The following ASB13 variants were observed in gnomAD, a reference collection of about 807,000 sequenced individuals.
The protein encoded by ASB13 is ankyrin repeat and SOCS box containing 13, also known as ankyrin repeat and SOCS box protein 13.
A neutral mutation model predicts 28.8 loss-of-function variants in ASB13; 33 were observed. That is an observed-to-expected ratio of 1.15 (90% CI 0.87 to 1.53). The LOEUF (loss-of-function observed/expected upper bound fraction) is 1.53. ASB13 is among the 40% of genes most tolerant of loss of function. The probability of loss-of-function intolerance (pLI) is 0.00; values close to 1 mark genes in which losing one functional copy is unlikely to be tolerated. For missense variants in ASB13, 414 were observed against 390.1 expected (o/e 1.06, Z -0.52); for synonymous variants, 182 against 172.9 (o/e 1.05, Z -0.41).
rs933294316 is a variant in ASB13, at chr10:5,658,222, A to G, written c.44-5172T>C. On this transcript the variant is annotated intron_variant, in intron 1 of 5. Transcript: ENST00000357700. The surrounding 1 kb of genome is among the most constrained non-coding windows in gnomAD (Gnocchi z 4.2). ...AGTGGCTCAAAACTCTAATCCCAGC[A>G]CTTTGGGAGGCCGAGGCAGGCAATA... Among the ~76,000 whole-genome samples, 2 of 152,070 alleles carry G rather than the reference A, an allele frequency of 1.3e-5. No homozygotes were observed. The highest frequency in any genetic ancestry group is 4.8e-5 in the African/African-American group (2 of 41,382).
chr10:5,641,408 A>ATGGGTT lies in ASB13; in HGVS notation c.709+361_709+362insAACCCA, dbSNP rs1834806036. 1.3e-5 allele frequency among the ~76,000 whole-genome samples: 2 copies of ATGGGTT among 151,992 alleles called. No individual in the cohort carries two copies. The highest frequency in any genetic ancestry group is 3.9e-4 in the East Asian group (2 of 5,180). ...TGAGCCACTGCGCCTTTTCAAAACC[A>ATGGGTT]TGGTTTTGGTTTTTTGAGACACGGC... is the stretch of plus-strand genomic sequence containing the variant. On this transcript the variant is annotated intron_variant, in intron 5 of 5. Coordinates refer to ENST00000357700, the MANE Select transcript of ASB13 (RefSeq NM_024701.4). The surrounding 1 kb of genome is among the most constrained non-coding windows in gnomAD (Gnocchi z 8.4).
rs1429575509 is a variant in ASB13 at position 5,640,703 on chromosome 10, T to C, written c.837A>G (p.Ter279TrpextTer34). The change falls in exon 6 of 6, where the codon TGA becomes TGG. Residue 279 changes from the stop codon to tryptophan, a stop_lost. Transcript: ENST00000357700. ...PRLIDYLSYN[*>W] is the part of the protein sequence containing the mutation. ...CCACGGTCCGGACCCCACCTGCAATTCAGTTGTAGGAGAGGTAATCAATGA... is the reference window on the plus strand; with the variant it reads ...CCACGGTCCGGACCCCACCTGCAATCCAGTTGTAGGAGAGGTAATCAATGA... 1.7e-5 allele frequency: 27 copies of C among 1,613,870 alleles called. No individual in the cohort carries two copies. Among genetic ancestry groups the C allele is most frequent in the African/African-American group, 4.0e-5 (3 of 74,868 alleles).
chr10:5,654,922 C>G (rs113453314), intron 1 of ASB13, among the ~76,000 whole-genome samples: 4,822 of 151,988 alleles, frequency 0.032, 268 homozygotes, highest in African/African-American at 0.11. Context: ...CATGGTGAAA[C>G]CCCCGTCTCT....
chr10:5,651,351 T>A lies in ASB13; in HGVS notation c.244A>T (p.Asn82Tyr). 1 of 1,607,782 alleles carries A rather than the reference T, an allele frequency of 6.2e-7. No individual in the cohort carries two copies. Among genetic ancestry groups the A allele is most frequent in the Non-Finnish European group, 8.5e-7 (1 of 1,176,156 alleles). ...CAGAGCGGGGTGCTGCCGTCGATGT[T>A]GCGAGCATCCACCTCACGGGAGGAA... is the stretch of plus-strand genomic sequence containing the variant. The part of the protein sequence containing the change: ...LAAGAQVDAR[N>Y]IDGSTPLCDA... Residue 82 changes from asparagine to tyrosine, a missense_variant, in exon 3 of 6, where the codon AAC becomes TAC. Physicochemically the swap from Asn to Tyr is moderately radical, Grantham distance 143 (BLOSUM62 -2). Coordinates refer to ENST00000357700, the MANE Select transcript of ASB13 (RefSeq NM_024701.4). This position sits in a 1 kb window ranked among gnomAD's most constrained non-coding sequence, Gnocchi z 5.1.
At chr10:5,662,779 G>A (rs1835197422) in intron 1 of ASB13, among the ~76,000 whole-genome samples, 1 of 152,124 alleles carries the variant, frequency 6.6e-6, no homozygotes, top group South Asian at 2.1e-4. Flanking sequence ...AGACCACAGA[G>A]GAAAAGATAA....
Position 5,656,436 on chromosome 10 carries a change from G to A in ASB13, c.44-3386C>T, listed in dbSNP as rs901801929. On this transcript the variant is annotated intron_variant, in intron 1 of 5. Transcript: ENST00000357700. The surrounding 1 kb of genome is among the most constrained non-coding windows in gnomAD (Gnocchi z 4.3). ...TGCCTGTAATCCCAGCTACTCAGGA[G>A]GCGGAGGCAGCAGAATCGCTTGAAC... 1.3e-5 allele frequency among the ~76,000 whole-genome samples: 2 copies of A among 152,132 alleles called. No individual in the cohort carries two copies. Among genetic ancestry groups the A allele is most frequent in the Non-Finnish European group, 2.9e-5 (2 of 68,020 alleles).
chr10:5,643,020 C>T (rs1834834453), intron 4 of ASB13, among the ~76,000 whole-genome samples: 1 of 152,152 alleles, frequency 6.6e-6, no homozygotes, highest in African/African-American at 2.4e-5. Context: ...CCCAGGGCTT[C>T]AGAATTCTTT....
chr10:5,643,894 C>A (rs1205686571), intron 4 of ASB13, among the ~76,000 whole-genome samples: 1 of 152,228 alleles, frequency 6.6e-6, no homozygotes, highest in Non-Finnish European at 1.5e-5. Context: ...GGGAGAAAAC[C>A]ATGGCTGGAA....
chr10:5,646,798 A>C (rs1230301750), intron 4 of ASB13, among the ~76,000 whole-genome samples: 1 of 152,166 alleles, frequency 6.6e-6, no homozygotes. Flanking sequence ...AACAGAACGA[A>C]GGTAAAAATG....
chr10:5,651,128 G>A lies in ASB13; in HGVS notation c.382+85C>T. On this transcript the variant is annotated intron_variant, in intron 3 of 5. Coordinates refer to ENST00000357700, the MANE Select transcript of ASB13 (RefSeq NM_024701.4). The surrounding 1 kb of genome is among the most constrained non-coding windows in gnomAD (Gnocchi z 5.1). ...AAGGGCTCCCAATTCTGTCTACTCT[G>A]CTTCCTTCCCTAAGTCCCTTTAATC... 6.8e-7 allele frequency: 1 copy of A among 1,477,586 alleles called. No homozygotes were observed. Among genetic ancestry groups the A allele is most frequent in the Non-Finnish European group, 9.1e-7 (1 of 1,103,102 alleles). The allele number at this position is 1,477,586 out of a possible 1,614,324, so 91.5% of individuals were successfully genotyped here. A position where few individuals can be genotyped will look rare whatever the true frequency, so the allele number is the denominator to read the frequency against.
intron 1 of ASB13, 91 bp from the exon 2 acceptor site, chr10:5,653,141 C>A: frequency 1.6e-6 from 2 of 1,250,762 alleles, no homozygotes; most frequent in Non-Finnish European, 2.2e-6. Flanking sequence ...CTGATGCCAC[C>A]AAGGCACCAT....
rs1489968810 is a variant in ASB13, at chr10:5,663,896, C to G, written c.43+2613G>C. On this transcript the variant is annotated intron_variant, in intron 1 of 5. Transcript: ENST00000357700. This position sits in a 1 kb window ranked among gnomAD's most constrained non-coding sequence, Gnocchi z 4.9. Reference sequence around the variant, plus strand: ...GATTCTCCCTCTCCCCGCTCTGACACTGAAATCAAGAGCGATAGAGCTGTG... The same window carrying G: ...GATTCTCCCTCTCCCCGCTCTGACAGTGAAATCAAGAGCGATAGAGCTGTG... Among the ~76,000 whole-genome samples the G allele has an allele frequency of 2.0e-5, 3 of 152,186 alleles. No homozygotes were observed. The highest frequency in any genetic ancestry group is 4.4e-5 in the Non-Finnish European group (3 of 68,036).
rs764073761 is a variant in ASB13 at position 5,655,902 on chromosome 10, C to G, written c.44-2852G>C. Among the ~76,000 whole-genome samples, 12 of 152,338 alleles carry G rather than the reference C, an allele frequency of 7.9e-5. No individual in the cohort carries two copies. The highest frequency in any genetic ancestry group is 2.9e-4 in the African/African-American group (12 of 41,582). On this transcript the variant is annotated intron_variant, in intron 1 of 5. Coordinates refer to ENST00000357700, the MANE Select transcript of ASB13 (RefSeq NM_024701.4). The surrounding 1 kb of genome is among the most constrained non-coding windows in gnomAD (Gnocchi z 6.2). Reference sequence around the variant, plus strand: ...TCCCGACGTGCCTCCATTCACAAGACGTCCAGGTGGATTTAGCGTCTTCCG... The same window carrying G: ...TCCCGACGTGCCTCCATTCACAAGAGGTCCAGGTGGATTTAGCGTCTTCCG...
rs563125211 is a variant in ASB13, at chr10:5,647,778, A to C, written c.517+1192T>G. On this transcript the variant is annotated intron_variant, in intron 4 of 5. Coordinates refer to ENST00000357700, the MANE Select transcript of ASB13 (RefSeq NM_024701.4). ...CTGAGGCCCGAGGTCTCAGCTGGCA[A>C]GTAAGAGAGCCAGCCTCCAACCCTG... 4.0e-4 allele frequency among the ~76,000 whole-genome samples: 61 copies of C among 152,310 alleles called. 1 individual carries two copies. The highest frequency in any genetic ancestry group is 1.4e-3 in the African/African-American group (60 of 41,562).
At position 5,663,596 on chromosome 10, in the gene ASB13, C is replaced by T. The variant is rs1414742741; in HGVS notation, c.43+2913G>A. ...TAAGGGACCTGAGGGACGCTTTTCA[C>T]CCTAAATCACCTAAGCCTCAGTTTC... On this transcript the variant is annotated intron_variant, in intron 1 of 5. Coordinates refer to ENST00000357700, the MANE Select transcript of ASB13 (RefSeq NM_024701.4). This position sits in a 1 kb window ranked among gnomAD's most constrained non-coding sequence, Gnocchi z 4.9. 4.6e-5 allele frequency among the ~76,000 whole-genome samples: 7 copies of T among 152,288 alleles called. No individual in the cohort carries two copies. Among genetic ancestry groups the T allele is most frequent in the Non-Finnish European group, 1.0e-4 (7 of 68,024 alleles).
In ASB13 at chr10:5,652,031, C is replaced by G. The variant is rs1471348129; in HGVS notation, c.232-668G>C. 1.7e-5 allele frequency among the ~76,000 whole-genome samples: 2 copies of G among 118,396 alleles called. No individual in the cohort carries two copies. Among genetic ancestry groups the G allele is most frequent in the African/African-American group, 6.4e-5 (2 of 31,078 alleles). The allele number at this position is 118,396 out of a possible 152,430, so 77.7% of individuals were successfully genotyped here. On this transcript the variant is annotated intron_variant, in intron 2 of 5. Transcript: ENST00000357700. This position sits in a 1 kb window ranked among gnomAD's most constrained non-coding sequence, Gnocchi z 5.0. The stretch of plus-strand genomic sequence containing the variant: ...AAAAAAAAAAAAAAAAAAAACCACA[C>G]ACACACACACACACACACACACACA...
chr10:5,656,646 TTAAGA>T lies in ASB13; in HGVS notation c.44-3601_44-3597del, dbSNP rs576327099. 1.8e-3 allele frequency among the ~76,000 whole-genome samples: 274 copies of T among 152,304 alleles called. 1 individual carries two copies. The highest frequency in any genetic ancestry group is 6.2e-3 in the African/African-American group (259 of 41,564). On this transcript the variant is annotated intron_variant, in intron 1 of 5. Transcript: ENST00000357700. The surrounding 1 kb of genome is among the most constrained non-coding windows in gnomAD (Gnocchi z 4.3). ...CAGAGGCTAGGATAATTTTAGAGCATTAAGATAATATGCAAAAAGAGCAAACGTGT... is the reference window on the plus strand; with the variant it reads ...CAGAGGCTAGGATAATTTTAGAGCATTAATATGCAAAAAGAGCAAACGTGT...
At chr10:5,665,753 C>T (rs1835248471) in intron 1 of ASB13, among the ~76,000 whole-genome samples, 1 of 152,142 alleles carries the variant, frequency 6.6e-6, no homozygotes, top group South Asian at 2.1e-4. Flanking sequence ...AAGACTTTTC[C>T]CTCTTAGGTG....
chr10:5,641,999 G>A lies in ASB13; in HGVS notation c.518-38C>T, dbSNP rs779970797. The A allele has an allele frequency of 3.2e-6, 5 of 1,580,410 alleles. No homozygotes were observed. Among genetic ancestry groups the A allele is most frequent in the East Asian group, 2.3e-5 (1 of 44,074 alleles). On this transcript the variant is annotated intron_variant, in intron 4 of 5. Coordinates refer to ENST00000357700, the MANE Select transcript of ASB13 (RefSeq NM_024701.4). The surrounding 1 kb of genome is among the most constrained non-coding windows in gnomAD (Gnocchi z 8.4). ...AGTGCAGAAGAGATTTCACCAAGAA[G>A]AGAACTTGAAGTCAGGGGGACAATC...
Sources: allele counts gnomAD v4.1 joint callset (sites outside exome capture counted in the v4.1 genomes callset), GRCh38; gene constraint gnomAD v4.1.1; non-coding constraint Gnocchi (gnomAD v3.1); transcripts MANE v1.5; gene names NCBI Gene and HGNC (gene_info 2026-07-23, HGNC 2026-07-21).